The following KIF23 variants were observed in gnomAD, a reference collection of about 807,000 sequenced individuals.
KIF23 encodes the protein kinesin-like protein KIF23.
Under a neutral mutation model 137.5 loss-of-function variants are expected in KIF23, and 30 were observed. That is an observed-to-expected ratio of 0.22 (90% CI 0.16 to 0.30). The LOEUF is 0.30. Ranked by LOEUF, KIF23 falls within the 10% of genes least tolerant of loss-of-function variation. KIF23 has a pLI of 1.00. For missense variants in KIF23, 920 were observed against 1,194.3 expected (o/e 0.77, Z 3.38); for synonymous variants, 367 against 391.1 (o/e 0.94, Z 0.73).
In KIF23 at chr15:69,416,679, G is replaced by T. The variant is rs191495297; in HGVS notation, c.81+616G>T. 1.8e-3 allele frequency among the ~76,000 whole-genome samples: 268 copies of T among 152,268 alleles called. 6 individuals are homozygous for T. The highest frequency in any genetic ancestry group is 9.6e-4 in the East Asian group (5 of 5,182). On this transcript the variant is annotated intron_variant, in intron 2 of 23. Transcript: ENST00000679126. ...TTTCAAAAATGTCTCTGTAGGCTGG[G>T]TGCGGTGGCTCACATCTGTAATCCC...
chr15:69,445,388 AAAAAC>A (rs1265015655), intron 20 of KIF23, among the ~76,000 whole-genome samples: 1 of 152,234 alleles, frequency 6.6e-6, no homozygotes, highest in Non-Finnish European at 1.5e-5. Context: ...ATAAAAAAAC[AAAAAC>A]AAAACAAAAC....
At chr15:69,425,073 C>G (rs2057156234) in intron 7 of KIF23, among the ~76,000 whole-genome samples, 1 of 151,988 alleles carries the variant, frequency 6.6e-6, no homozygotes, top group East Asian at 1.9e-4. Context: ...CTTGTTTGGC[C>G]CTGAATTCAG....
chr15:69,423,000 T>C, intron 6 of KIF23, 159 bp from the exon 7 acceptor site: 1 of 532,562 alleles, frequency 1.9e-6, no homozygotes, highest in Non-Finnish European at 3.3e-6. Flanking sequence ...GGTTTCACCA[T>C]GTTGGCCAGG....
At chr15:69,441,726 C>T (rs1376786622) in intron 19 of KIF23, among the ~76,000 whole-genome samples, 2 of 151,874 alleles carry the variant, frequency 1.3e-5, no homozygotes, top group Admixed American at 1.3e-4. Flanking sequence ...ATTAATTATC[C>T]TCTATTGAGA....
rs1184139477 is a variant in KIF23 at position 69,440,813 on chromosome 15, A to G, written c.2155A>G (p.Met719Val). The G allele has an allele frequency of 3.1e-6, 5 of 1,613,172 alleles. No individual in the cohort carries two copies. The highest frequency in any genetic ancestry group is 4.2e-6 in the Non-Finnish European group (5 of 1,180,024). The stretch of plus-strand genomic sequence containing the variant: ...TCAGATTTCCAACGGCCAGCAACTC[A>G]TGAGCCAGCCACAGCTACATAGGCG... ...IAQISNGQQL[M>V]SQPQLHRRSN... The change falls in exon 19 of 24, where the codon ATG becomes GTG. Residue 719 changes from methionine (M) to valine (V), a missense_variant. Physicochemically the swap from Met to Val is conservative, Grantham distance 21 (BLOSUM62 1). Around this residue, in one of 4 missense-constraint regions of KIF23, gnomAD observed 714 missense variants for 866.2 expected, o/e 0.82. Coordinates refer to ENST00000679126, the MANE Select transcript of KIF23 (RefSeq NM_001367805.3).
intron 10 of KIF23, among the ~76,000 whole-genome samples, chr15:69,428,680 AAAAAAC>A (rs1567065846): frequency 6.6e-6 from 1 of 151,630 alleles, no homozygotes; most frequent in Non-Finnish European, 1.5e-5. Context: ...AAAAAAAAAA[AAAAAAC>A]AAAAGAATTA....
chr15:69,425,113 G>T (rs527500135), intron 7 of KIF23, among the ~76,000 whole-genome samples, 169 bp from the exon 8 acceptor site: 1 of 152,282 alleles, frequency 6.6e-6, no homozygotes, highest in South Asian at 2.1e-4. Flanking sequence ...TGTTAGACCT[G>T]CTTTTTTAAG....
At chr15:69,440,602 CTA>C (rs1245200380) in intron 18 of KIF23, 115 bp downstream of exon 18, 35 of 1,182,676 alleles carry the variant, frequency 3.0e-5, no homozygotes, top group African/African-American at 1.1e-4. Context: ...TGAAATTTCT[CTA>C]AAAATATTTT....
rs772597901 is a variant in KIF23 at position 69,421,719 on chromosome 15, C to T, written c.283C>T (p.Pro95Ser). The T allele has an allele frequency of 9.3e-6, 15 of 1,613,398 alleles. No homozygotes were observed. ...GGAACTCTTTGATGTTGTGGCTAAT[C>T]CCTTGGTCAATGACCTCATTCATGG... The part of the protein sequence containing the change: ...QKELFDVVAN[P>S]LVNDLIHGKN... Residue 95 changes from proline to serine, a missense_variant, in exon 4 of 24, where the codon CCC (proline) becomes TCC (serine). Transcript: ENST00000679126.
rs770328119 is a variant in KIF23 at position 69,426,379 on chromosome 15, G to A, written c.933G>A (p.Glu311=). ...RRIANTHLNR[E]SSRSHSVFNI... is the part of the protein sequence containing the mutation. ...TTGCTAATACCCATTTGAATCGTGA[G>A]TCCAGCCGTTCCCATAGCGTGTTCA... The change falls in exon 10 of 24, where the codon GAG becomes GAA. Residue 311 remains glutamate (E), a synonymous_variant. Transcript: ENST00000679126. 2.5e-6 allele frequency: 4 copies of A among 1,614,138 alleles called. No individual in the cohort carries two copies. Among genetic ancestry groups the A allele is most frequent in the Non-Finnish European group, 3.4e-6 (4 of 1,179,986 alleles).
At chr15:69,415,476 G>T (rs2056876188) in intron 1 of KIF23, among the ~76,000 whole-genome samples, 1 of 152,144 alleles carries the variant, frequency 6.6e-6, no homozygotes. Flanking sequence ...CTTTTTGATT[G>T]CCCCTACTTA....
chr15:69,417,890 C>T (rs2056958218), intron 3 of KIF23, among the ~76,000 whole-genome samples: 1 of 152,034 alleles, frequency 6.6e-6, no homozygotes, highest in East Asian at 1.9e-4. Flanking sequence ...ACCTCCTATG[C>T]AGTGTTTTTA....
intron 3 of KIF23, among the ~76,000 whole-genome samples, chr15:69,420,570 A>C (rs759848362): frequency 6.6e-6 from 1 of 152,240 alleles, no homozygotes; most frequent in East Asian, 1.9e-4. Context: ...AATTTATTTA[A>C]AATGTATTTC....
At chr15:69,415,599 A>G (rs1442372478) in intron 1 of KIF23, among the ~76,000 whole-genome samples, 3 of 152,214 alleles carry the variant, frequency 2.0e-5, no homozygotes, top group Non-Finnish European at 4.4e-5. Context: ...ACCCTTGACG[A>G]AAGAATGGTT....
intron 11 of KIF23, chr15:69,435,130 C>A: frequency 2.1e-6 from 1 of 466,218 alleles, no homozygotes; most frequent in Non-Finnish European, 3.8e-6. Context: ...CTGTCAATTG[C>A]CTAGAGAATA....
chr15:69,417,609 A>G (rs1223084938), intron 3 of KIF23, 98 bp downstream of exon 3: 2 of 1,334,686 alleles, frequency 1.5e-6, no homozygotes, highest in African/African-American at 1.5e-5. Flanking sequence ...GTGAGCCCAC[A>G]TTTTCAAAAG....
intron 23 of KIF23, 117 bp downstream of exon 23, chr15:69,447,058 G>A (rs2057755728): frequency 1.9e-6 from 2 of 1,031,816 alleles, no homozygotes; most frequent in African/African-American, 3.2e-5. Flanking sequence ...TATGGTTTTG[G>A]TTTTCCCCTT....
rs1280257474 is a variant in KIF23, at chr15:69,426,191, CACCT to C, written c.889+11_889+14del. 3.8e-6 allele frequency: 6 copies of C among 1,596,774 alleles called. No individual in the cohort carries two copies. Among genetic ancestry groups the C allele is most frequent in the Non-Finnish European group, 5.1e-6 (6 of 1,170,532 alleles). On this transcript the variant is annotated intron_variant, in intron 9 of 23. Transcript: ENST00000679126. ...TGAAGTTTTCTGGAGAGGTTAGAAACACCTAGAACTAGAAAAATACAGAATGATG... is the reference window on the plus strand; with the variant it reads ...TGAAGTTTTCTGGAGAGGTTAGAAACAGAACTAGAAAAATACAGAATGATG...
At chr15:69,414,599 G>A (rs868307642) in intron 1 of KIF23, 123 bp downstream of exon 1, 1 of 1,117,054 alleles carries the variant, frequency 9.0e-7, no homozygotes, top group Middle Eastern at 3.2e-4. Context: ...ATCCCGCCCG[G>A]TGCTGCTGCG....
Sources: gnomAD v4.1 joint callset for allele counts (sites outside exome capture counted in the v4.1 genomes callset) on GRCh38, gnomAD v4.1.1 for gene constraint, gnomAD v4.1.1 regional missense constraint, MANE v1.5 for transcripts, NCBI Gene and HGNC (gene_info 2026-07-23, HGNC 2026-07-21) for gene names.